DPP10: variants seen among roughly 807,000 people sequenced by gnomAD.
DPP10 encodes the protein dipeptidyl peptidase like 10, also known as inactive dipeptidyl peptidase 10.
In DPP10, 33 loss-of-function variants were observed where a neutral mutation model predicts 120.9. The ratio of observed to expected loss-of-function variants is 0.27; its 90% CI spans 0.21 to 0.37. The LOEUF is 0.37. Among genes scored for constraint, DPP10 ranks in the 10% least tolerant of loss-of-function variants. The probability of loss-of-function intolerance (pLI) is 1.00; values close to 1 mark genes in which losing one functional copy is unlikely to be tolerated. For missense variants in DPP10, 816 were observed against 942.8 expected (o/e 0.87, Z 1.76); for synonymous variants, 337 against 326.1 (o/e 1.03, Z -0.36).
chr2:115,498,238 T>C (rs1261633965), intron 3 of DPP10, among the ~76,000 whole-genome samples: 7 of 152,140 alleles, frequency 4.6e-5, no homozygotes, highest in African/African-American at 1.7e-4. Flanking sequence ...CATATTGGAC[T>C]ATGTGTTTTG....
At chr2:115,618,687 A>C (rs1372766819) in intron 5 of DPP10, among the ~76,000 whole-genome samples, 1 of 152,166 alleles carries the variant, frequency 6.6e-6, no homozygotes, top group East Asian at 1.9e-4. Context: ...ATACCTTTCT[A>C]GATTTCCATG....
intron 1 of DPP10, among the ~76,000 whole-genome samples, chr2:114,619,593 T>C (rs1038319281): frequency 6.6e-6 from 1 of 152,024 alleles, no homozygotes; most frequent in African/African-American, 2.4e-5. Context: ...ATTGCTTTTA[T>C]CATGTTACAC....
intron 7 of DPP10, among the ~76,000 whole-genome samples, chr2:115,699,079 A>C (rs1426355383): frequency 1.3e-5 from 2 of 150,452 alleles, no homozygotes; most frequent in East Asian, 3.9e-4. Context: ...CTAAAATCAG[A>C]TTGAAAGTGG....
intron 3 of DPP10, among the ~76,000 whole-genome samples, chr2:115,429,525 A>G (rs941502909): frequency 2.0e-5 from 3 of 152,192 alleles, no homozygotes; most frequent in African/African-American, 7.2e-5. Flanking sequence ...AGACAGATTT[A>G]TTTTATGTGC....
At chr2:114,443,346 G>C (rs1677764362) in intron 1 of DPP10, among the ~76,000 whole-genome samples, 1 of 152,046 alleles carries the variant, frequency 6.6e-6, no homozygotes, top group African/African-American at 2.4e-5. Flanking sequence ...ACTAGAGAGA[G>C]AGTATAAAAT....
intron 1 of DPP10, among the ~76,000 whole-genome samples, chr2:114,539,485 T>G (rs1296123035): frequency 6.6e-6 from 1 of 152,168 alleles, no homozygotes; most frequent in Non-Finnish European, 1.5e-5. Flanking sequence ...TTCAGTCCCC[T>G]AAACGTGTGC....
chr2:114,872,981 G>A (rs1192387112), intron 1 of DPP10, among the ~76,000 whole-genome samples: 1 of 152,272 alleles, frequency 6.6e-6, no homozygotes, highest in East Asian at 1.9e-4. Flanking sequence ...CTTTAAAACG[G>A]CTTCGCCACA....
At chr2:114,897,197 A>G (rs1357329801) in intron 1 of DPP10, among the ~76,000 whole-genome samples, 1 of 152,270 alleles carries the variant, frequency 6.6e-6, no homozygotes, top group East Asian at 1.9e-4. Context: ...CTAAAATTCA[A>G]TTTTTTGGTT....
chr2:115,416,976 C>T (rs944728743), intron 3 of DPP10, among the ~76,000 whole-genome samples: 3 of 152,100 alleles, frequency 2.0e-5, no homozygotes, highest in Non-Finnish European at 2.9e-5. Context: ...TGGTGATATC[C>T]TGTGGGTCTT....
intron 9 of DPP10, among the ~76,000 whole-genome samples, chr2:115,742,751 T>G (rs1440134439): frequency 2.6e-5 from 4 of 152,248 alleles, no homozygotes; most frequent in Middle Eastern, 3.4e-3. Flanking sequence ...GTGATAAACT[T>G]TCAAAAAGTG....
intron 3 of DPP10, among the ~76,000 whole-genome samples, chr2:115,497,715 C>G (rs980482076): frequency 6.6e-6 from 1 of 151,908 alleles, no homozygotes; most frequent in South Asian, 2.1e-4. Flanking sequence ...TGAGGTTGGA[C>G]TGTTGATTTG....
chr2:115,368,880 A>G (rs2065235096), intron 3 of DPP10, among the ~76,000 whole-genome samples: 1 of 151,862 alleles, frequency 6.6e-6, no homozygotes, highest in South Asian at 2.1e-4. Flanking sequence ...TATGATATCA[A>G]CAAACTTCTT....
chr2:114,719,678 A>G (rs1205604571), intron 1 of DPP10, among the ~76,000 whole-genome samples: 1 of 152,230 alleles, frequency 6.6e-6, no homozygotes, highest in African/African-American at 2.4e-5. Flanking sequence ...TGAAAATCAA[A>G]TGACAAAAGG....
At chr2:115,824,781 C>A (rs897204107) in intron 21 of DPP10, among the ~76,000 whole-genome samples, 1 of 152,040 alleles carries the variant, frequency 6.6e-6, no homozygotes, top group African/African-American at 2.4e-5. Context: ...TGTTCTTTAA[C>A]TATGTAAAGT....
chr2:114,769,310 T>C (rs991618394), intron 1 of DPP10, among the ~76,000 whole-genome samples: 3 of 152,070 alleles, frequency 2.0e-5, no homozygotes, highest in African/African-American at 7.2e-5. Flanking sequence ...TGTCATCAAC[T>C]ACAGGGGGAG....
chr2:114,627,237 G>A (rs1216126534), intron 1 of DPP10, among the ~76,000 whole-genome samples: 1 of 152,104 alleles, frequency 6.6e-6, no homozygotes, highest in Non-Finnish European at 1.5e-5. Context: ...TGAACCAGCT[G>A]CCAAGAGAAC....
intron 4 of DPP10, among the ~76,000 whole-genome samples, chr2:115,516,750 A>G (rs1211873874): frequency 6.6e-6 from 1 of 151,704 alleles, no homozygotes; most frequent in Admixed American, 6.6e-5. Context: ...CATAATGAAA[A>G]CTCTTAGTTA....
chr2:115,088,701 C>G (rs1708945560), intron 1 of DPP10, among the ~76,000 whole-genome samples: 1 of 120,596 alleles, frequency 8.3e-6, no homozygotes, highest in South Asian at 2.9e-4. Flanking sequence ...CTACCTTGGC[C>G]TCCCAAAGTG....
At chr2:115,511,080 T>C (rs2077200246) in intron 4 of DPP10, among the ~76,000 whole-genome samples, 1 of 152,170 alleles carries the variant, frequency 6.6e-6, no homozygotes, top group African/African-American at 2.4e-5. Flanking sequence ...TATGTCTTTG[T>C]CTGGTTTTGA....
Sources: allele counts gnomAD v4.1 joint callset (sites outside exome capture counted in the v4.1 genomes callset), GRCh38; gene constraint gnomAD v4.1.1; transcripts MANE v1.5; gene names NCBI Gene and HGNC (gene_info 2026-07-23, HGNC 2026-07-21).